NUP155: variants seen among roughly 807,000 people sequenced by gnomAD.
NUP155 encodes nuclear pore complex protein Nup155.
A neutral mutation model predicts 180.4 loss-of-function variants in NUP155; 71 were observed. The ratio of observed to expected loss-of-function variants is 0.39; its 90% CI spans 0.33 to 0.48. The LOEUF is 0.48. Ranked by LOEUF, NUP155 falls within the 20% of genes least tolerant of loss-of-function variation. The pLI, the probability that NUP155 is intolerant of heterozygous loss-of-function variation, is 0.91. For missense variants in NUP155, 1,553 were observed against 1,648.9 expected (o/e 0.94, Z 1.01); for synonymous variants, 582 against 559.5 (o/e 1.04, Z -0.57).
Position 37,365,012 on chromosome 5 carries a change from C to T in NUP155, c.158-628G>A, listed in dbSNP as rs986552583. On this transcript the variant is annotated intron_variant, in intron 1 of 34. Transcript: ENST00000231498. ...GGCGCAGTGGCTCAAGCCTGTAATC[C>T]TAGCACTTTGGGAGGCCGAGGTAGG... Among the ~76,000 whole-genome samples the T allele has an allele frequency of 2.0e-5, 3 of 151,776 alleles. No individual in the cohort carries two copies. In the South Asian group the frequency reaches 6.2e-4, roughly 32 times the overall value.
Position 37,351,259 on chromosome 5 carries a change from TA to T in NUP155, c.653del (p.Ile218LysfsTer21). On this transcript the variant is annotated frameshift_variant, in exon 6 of 35. Transcript: ENST00000231498. LOFTEE classifies it high-confidence loss of function. Reference sequence around the variant, plus strand: ...AAATTCTGCCATTATCAGTGGAAGTTATTGTTAAAAGGTAAGTATTATCAGT... The same window carrying T: ...AAATTCTGCCATTATCAGTGGAAGTTTTGTTAAAAGGTAAGTATTATCAGT... ...LPTDNTYLLT[I>X]TSTDNGRIFL... The T allele has an allele frequency of 6.2e-7, 1 of 1,613,552 alleles. No homozygotes were observed. Among genetic ancestry groups the T allele is most frequent in the East Asian group, 2.2e-5 (1 of 44,824 alleles).
Position 37,294,406 on chromosome 5 carries a change from C to T in NUP155, c.3853G>A (p.Val1285Ile), listed in dbSNP as rs200055806. ...CCAATTTCATTCATTGTCTGTATTA[C>T]GAAGCCCACATCCCAGTTCAAAGTA... ...VCTLNWDVGF[V>I]IQTMNEIGVP... The change falls in exon 33 of 35, where the codon GTA becomes ATA. Residue 1285 changes from valine (V) to isoleucine (I), a missense_variant. Coordinates refer to ENST00000231498, the MANE Select transcript of NUP155 (RefSeq NM_153485.3). 16 of 1,611,184 alleles carry T rather than the reference C, an allele frequency of 9.9e-6. No individual in the cohort carries two copies. The highest frequency in any genetic ancestry group is 1.6e-4 in the Middle Eastern group (1 of 6,084).
intron 1 of NUP155, among the ~76,000 whole-genome samples, chr5:37,368,257 T>A (rs536876132): frequency 5.3e-4 from 74 of 139,572 alleles, no homozygotes; most frequent in Non-Finnish European, 7.9e-4. Context: ...TCTCACTCTG[T>A]TGCCCAGGCT....
At position 37,292,044 on chromosome 5, in the gene NUP155, A is replaced by T; in HGVS notation, c.4038-6T>A. 1 of 1,613,928 alleles carries T rather than the reference A, an allele frequency of 6.2e-7. No individual in the cohort carries two copies. Among genetic ancestry groups the T allele is most frequent in the Non-Finnish European group, 8.5e-7 (1 of 1,179,844 alleles). ...AGAGATTTGTAAATCTTCTCCTACA[A>T]CGAAAAAGACACATGATTAATTATA... On this transcript the variant is annotated splice_region_variant and splice_polypyrimidine_tract_variant and intron_variant, in intron 34 of 34. Transcript: ENST00000231498.
chr5:37,296,931 C>T (rs369131189), intron 32 of NUP155, among the ~76,000 whole-genome samples: 1 of 152,076 alleles, frequency 6.6e-6, no homozygotes, highest in African/African-American at 2.4e-5. Flanking sequence ...AATCCCAGCA[C>T]TATGGGAGGC....
chr5:37,315,470 T>C (rs766191394), intron 21 of NUP155, among the ~76,000 whole-genome samples: 1 of 152,224 alleles, frequency 6.6e-6, no homozygotes, highest in Admixed American at 6.5e-5. Context: ...ATTTGATTCA[T>C]ATTTTTAGCT....
Position 37,350,282 on chromosome 5 carries a change from G to C in NUP155, c.724-17C>G, listed in dbSNP as rs367892424. On this transcript the variant is annotated splice_polypyrimidine_tract_variant and intron_variant, in intron 6 of 34. Transcript: ENST00000231498. ...TGCTTCAGCCTTAAAGAAAAAAGTA[G>C]AAAGACGACTTATAAAAGTATGTAA... 43 of 1,545,838 alleles carry C rather than the reference G, an allele frequency of 2.8e-5. No homozygotes were observed. In the African/African-American group the frequency reaches 4.5e-4, roughly 16 times the overall value.
At position 37,331,160 on chromosome 5, in the gene NUP155, A is replaced by G. The variant is rs191605290; in HGVS notation, c.1629+525T>C. 4.3e-3 allele frequency among the ~76,000 whole-genome samples: 647 copies of G among 152,022 alleles called. 3 individuals carry two copies. Among genetic ancestry groups the G allele is most frequent in the Middle Eastern group, 6.8e-3 (2 of 294 alleles). On this transcript the variant is annotated intron_variant, in intron 14 of 34. Coordinates refer to ENST00000231498, the MANE Select transcript of NUP155 (RefSeq NM_153485.3). ...CGAGACTCTGTCTCAAAAAAAAAAA[A>G]GAATTTATCAACAACAGAGAATAAA...
At chr5:37,297,501 C>T (rs1742649996) in intron 32 of NUP155, among the ~76,000 whole-genome samples, 1 of 152,108 alleles carries the variant, frequency 6.6e-6, no homozygotes, top group Non-Finnish European at 1.5e-5. Flanking sequence ...ACCATAGCCT[C>T]CCGAGTAGCT....
intron 1 of NUP155, chr5:37,370,535 T>A: frequency 1.3e-6 from 1 of 749,098 alleles, no homozygotes. Flanking sequence ...GCCTTAGCCA[T>A]AAGCACTTGA....
chr5:37,309,292 T>C (rs1743377816), intron 23 of NUP155, 25 bp from the exon 24 acceptor site: 8 of 1,587,806 alleles, frequency 5.0e-6, no homozygotes, highest in African/African-American at 1.3e-5. Context: ...AACAAGAACT[T>C]AAAAATATAT....
intron 14 of NUP155, among the ~76,000 whole-genome samples, chr5:37,331,148 CA>C (rs543141869): frequency 1.1e-3 from 153 of 133,372 alleles, no homozygotes; most frequent in African/African-American, 1.2e-3. Context: ...GACTCTGTCT[CA>C]AAAAAAAAAA....
intron 4 of NUP155, among the ~76,000 whole-genome samples, chr5:37,353,598 T>C (rs1746615381): frequency 6.6e-6 from 1 of 151,662 alleles, no homozygotes; most frequent in South Asian, 2.1e-4. Flanking sequence ...AATAAAAAAA[T>C]AAAAACATAA....
chr5:37,348,687 G>C, intron 8 of NUP155, 91 bp from the exon 9 acceptor site: 1 of 790,582 alleles, frequency 1.3e-6, no homozygotes. Flanking sequence ...TTTAATATTG[G>C]TATTTAATAC....
At chr5:37,323,330 A>C (rs1433782081) in intron 20 of NUP155, among the ~76,000 whole-genome samples, 1 of 152,162 alleles carries the variant, frequency 6.6e-6, no homozygotes, top group Non-Finnish European at 1.5e-5. Context: ...TCATATCAGC[A>C]TTCTTATTAG....
intron 10 of NUP155, 40 bp downstream of exon 10, chr5:37,342,509 T>C (rs1383218973): frequency 3.2e-6 from 4 of 1,237,106 alleles, no homozygotes. Flanking sequence ...TTTTCAGAAG[T>C]TGTAACAGTA....
rs185108630 is a variant in NUP155, at chr5:37,316,148, C to T, written c.2306-1820G>A. ...AGCATTATTCACGATAGCCAAAAAA[C>T]GGAAGTAACTCAGTGTCCATCAACA... On this transcript the variant is annotated intron_variant, in intron 21 of 34. Coordinates refer to ENST00000231498, the MANE Select transcript of NUP155 (RefSeq NM_153485.3). Among the ~76,000 whole-genome samples the T allele has an allele frequency of 2.0e-4, 30 of 152,176 alleles. No individual in the cohort carries two copies. In the East Asian group the frequency reaches 4.5e-3, roughly 23 times the overall value.
At chr5:37,323,764 G>A (rs1459549465) in intron 20 of NUP155, among the ~76,000 whole-genome samples, 1 of 151,686 alleles carries the variant, frequency 6.6e-6, no homozygotes, top group Admixed American at 6.6e-5. Flanking sequence ...AGGGACTGGG[G>A]GAAGGTCCAT....
In NUP155 at chr5:37,290,407, G is replaced by C. The variant is rs1475026898; in HGVS notation, c.*1493C>G. 2 of 151,862 alleles carry C rather than the reference G, an allele frequency of 1.3e-5. No homozygotes were observed. The highest frequency in any genetic ancestry group is 4.8e-5 in the African/African-American group (2 of 41,274). 9.4% of individuals were successfully genotyped at this position (151,862 alleles called of 1,614,324 possible). A position where few individuals can be genotyped will look rare whatever the true frequency, so the allele number is the denominator to read the frequency against. On this transcript the variant is annotated 3_prime_UTR_variant, in exon 35 of 35. Coordinates refer to ENST00000231498, the MANE Select transcript of NUP155 (RefSeq NM_153485.3). Reference sequence around the variant, plus strand: ...CAGGCAAATTGCTTCAAACCTGTGAGGCAGAGGTTGCAGTGAGCCGGGATC... The same window carrying C: ...CAGGCAAATTGCTTCAAACCTGTGACGCAGAGGTTGCAGTGAGCCGGGATC...
Sources: allele counts gnomAD v4.1 joint callset (sites outside exome capture counted in the v4.1 genomes callset), GRCh38; gene constraint gnomAD v4.1.1; transcripts MANE v1.5; gene names NCBI Gene and HGNC (gene_info 2026-07-23, HGNC 2026-07-21).